GABRG2: variants seen among roughly 807,000 people sequenced by gnomAD.
The protein encoded by GABRG2 is gamma-aminobutyric acid type A receptor subunit gamma2.
A neutral mutation model predicts 56.4 loss-of-function variants in GABRG2; 16 were observed. The ratio of observed to expected loss-of-function variants is 0.28; its 90% CI spans 0.19 to 0.43. The LOEUF is 0.43. Ranked by LOEUF, GABRG2 falls within the 20% of genes least tolerant of loss-of-function variation. GABRG2 has a pLI of 1.00. For synonymous variants in GABRG2, 208 were observed against 205.5 expected, an observed-to-expected ratio of 1.01 and a Z score of -0.10; for missense variants, 327 against 582.7, an observed-to-expected ratio of 0.56 and a Z score of 4.52.
At chr5:162,090,768 A>G (rs528987752) in intron 1 of GABRG2, among the ~76,000 whole-genome samples, 2 of 152,266 alleles carry the variant, frequency 1.3e-5, no homozygotes, top group African/African-American at 4.8e-5. Context: ...TTCCATGTAG[A>G]TAGGTACCTT....
chr5:162,151,940 T>G (rs1447421028), intron 9 of GABRG2, 187 bp downstream of exon 9: 1 of 528,904 alleles, frequency 1.9e-6, no homozygotes, highest in African/African-American at 2.0e-5. Flanking sequence ...ACATAGGTTT[T>G]AATCTTACAC....
intron 3 of GABRG2, among the ~76,000 whole-genome samples, chr5:162,096,226 C>G (rs1174571893): frequency 6.6e-6 from 1 of 151,948 alleles, no homozygotes; most frequent in African/African-American, 2.4e-5. Flanking sequence ...CTGCATACTC[C>G]AAGCTAATAA....
intron 6 of GABRG2, among the ~76,000 whole-genome samples, chr5:162,125,730 G>T (rs1323988041): frequency 1.3e-5 from 2 of 151,770 alleles, no homozygotes; most frequent in Non-Finnish European, 2.9e-5. Flanking sequence ...AGAATTGAGG[G>T]AGTGGTTGTA....
rs1764889409 is a variant in GABRG2, at chr5:162,145,526, C to T, written c.922+3210C>T. ...AATATAAACCATCCCTACTCTGCCT[C>T]TCACTATTGATGTCATTGCAGTCTC... On this transcript the variant is annotated intron_variant, in intron 7 of 9. Transcript: ENST00000639213. Among the ~76,000 whole-genome samples, 3 of 152,302 alleles carry T rather than the reference C, an allele frequency of 2.0e-5. No individual in the cohort carries two copies. The South Asian group carries it at 6.2e-4, about 32-fold the overall frequency.
At chr5:162,075,015 C>G (rs1321017221) in intron 1 of GABRG2, among the ~76,000 whole-genome samples, 1 of 152,126 alleles carries the variant, frequency 6.6e-6, no homozygotes, top group African/African-American at 2.4e-5. Context: ...ACAGTTCCTT[C>G]TATTGCTAAA....
chr5:162,106,957 T>C (rs952490132), intron 6 of GABRG2, among the ~76,000 whole-genome samples: 3 of 152,126 alleles, frequency 2.0e-5, no homozygotes, highest in Non-Finnish European at 4.4e-5. Flanking sequence ...CACCCAGGTA[T>C]TGAGCCAAGT....
intron 1 of GABRG2, among the ~76,000 whole-genome samples, chr5:162,078,232 G>A (rs969240407): frequency 9.3e-5 from 14 of 151,330 alleles, no homozygotes; most frequent in Admixed American, 9.2e-4. Flanking sequence ...TCTGGTGAGG[G>A]CCTTCTGGTT....
chr5:162,074,549 A>G (rs960413718), intron 1 of GABRG2, among the ~76,000 whole-genome samples: 5 of 152,078 alleles, frequency 3.3e-5, no homozygotes, highest in African/African-American at 1.2e-4. Context: ...ATATTTATAT[A>G]AATAAAATGG....
At chr5:162,135,450 C>T (rs1764052680) in intron 6 of GABRG2, among the ~76,000 whole-genome samples, 1 of 152,122 alleles carries the variant, frequency 6.6e-6, no homozygotes, top group South Asian at 2.1e-4. Flanking sequence ...ATTTATGTAA[C>T]AAATAATTGT....
intron 1 of GABRG2, among the ~76,000 whole-genome samples, chr5:162,085,370 A>G (rs192378336): frequency 9.2e-5 from 14 of 152,046 alleles, no homozygotes; most frequent in African/African-American, 3.1e-4. Flanking sequence ...GTGCTTTATA[A>G]AGAGATAAAT....
rs1381237848 is a variant in GABRG2, at chr5:162,067,982, A to G, written c.-18A>G. 3 of 1,488,844 alleles carry G rather than the reference A, an allele frequency of 2.0e-6. No homozygotes were observed. The highest frequency in any genetic ancestry group is 2.8e-6 in the Non-Finnish European group (3 of 1,067,724). 92.2% of individuals were successfully genotyped at this position (1,488,844 alleles called of 1,614,324 possible). A position where few individuals can be genotyped will look rare whatever the true frequency, so the allele number is the denominator to read the frequency against. ...CAACCAAGAGGCAAGAGGCGAGAGA[A>G]GGAAAAAAAAAAAAGCGATGAGTTC... is the stretch of plus-strand genomic sequence containing the variant. On this transcript the variant is annotated 5_prime_UTR_variant, in exon 1 of 10. Transcript: ENST00000639213.
At chr5:162,140,832 T>G (rs1390671957) in intron 6 of GABRG2, among the ~76,000 whole-genome samples, 1 of 152,214 alleles carries the variant, frequency 6.6e-6, no homozygotes, top group Non-Finnish European at 1.5e-5. Context: ...CTAAAATGCT[T>G]TAAAATTTTA....
At chr5:162,082,759 T>A (rs1759764678) in intron 1 of GABRG2, among the ~76,000 whole-genome samples, 1 of 151,408 alleles carries the variant, frequency 6.6e-6, no homozygotes, top group Non-Finnish European at 1.5e-5. Context: ...AATAAGCTAT[T>A]TATATAACGA....
chr5:162,126,644 C>T (rs1763360039), intron 6 of GABRG2, among the ~76,000 whole-genome samples: 1 of 151,946 alleles, frequency 6.6e-6, no homozygotes, highest in Non-Finnish European at 1.5e-5. Flanking sequence ...ACACTCAATT[C>T]TCCGAGCCCA....
chr5:162,077,052 G>T (rs1469185392), intron 1 of GABRG2, among the ~76,000 whole-genome samples: 1 of 148,442 alleles, frequency 6.7e-6, no homozygotes, highest in Non-Finnish European at 1.5e-5. Flanking sequence ...CCAAATGTAT[G>T]CAGTATTATA....
intron 5 of GABRG2, chr5:162,103,528 C>T (rs925982911): frequency 4.5e-6 from 1 of 223,666 alleles, no homozygotes; most frequent in African/African-American, 2.3e-5. Flanking sequence ...CTGCCTTTCA[C>T]TGTGATACAA....
intron 6 of GABRG2, among the ~76,000 whole-genome samples, chr5:162,114,778 TTATCTC>T (rs1762498117): frequency 6.6e-6 from 1 of 152,184 alleles, no homozygotes. Context: ...TTCATTCAGT[TTATCTC>T]TACTGTCCAC....
At chr5:162,108,317 G>T (rs570739819) in intron 6 of GABRG2, among the ~76,000 whole-genome samples, 4 of 152,266 alleles carry the variant, frequency 2.6e-5, no homozygotes, top group African/African-American at 9.6e-5. Flanking sequence ...ATTGTTTCTA[G>T]TATATAAGAA....
chr5:162,097,513 G>T lies in GABRG2; in HGVS notation c.328-125G>T, dbSNP rs141638007. 3.3e-3 allele frequency: 2,469 copies of T among 751,418 alleles called. 10 individuals are homozygous for T. The highest frequency in any genetic ancestry group is 5.2e-3 in the Admixed American group (239 of 45,874). The allele number at this position is 751,418 out of a possible 1,614,324, so 46.5% of individuals were successfully genotyped here. A position where few individuals can be genotyped will look rare whatever the true frequency, so the allele number is the denominator to read the frequency against. On this transcript the variant is annotated intron_variant, in intron 3 of 9. Coordinates refer to ENST00000639213, the MANE Select transcript of GABRG2 (RefSeq NM_198904.4). ...CTCAGCAAAACTCTAGCTTTCTTTT[G>T]AACTATTCAAAGCCAAGATAGCTTT...
Sources: allele counts gnomAD v4.1 joint callset (sites outside exome capture counted in the v4.1 genomes callset), GRCh38; gene constraint gnomAD v4.1.1; transcripts MANE v1.5; gene names NCBI Gene and HGNC (gene_info 2026-07-23, HGNC 2026-07-21).